The following ANKH variants were observed in gnomAD, a reference collection of about 807,000 sequenced individuals.
ANKH encodes the protein mineralization regulator ANKH.
In ANKH, 15 loss-of-function variants were observed where a neutral mutation model predicts 49.0. That is an observed-to-expected ratio of 0.31 (90% CI 0.20 to 0.47). The LOEUF is 0.47. Among genes scored for constraint, ANKH ranks in the 20% least tolerant of loss-of-function variants. The pLI is 1.00. For synonymous variants in ANKH, 273 were observed against 260.0 expected (o/e 1.05, Z -0.48); for missense variants, 429 against 652.0 (o/e 0.66, Z 3.72).
chr5:14,867,708 C>T (rs1267834452), intron 1 of ANKH, among the ~76,000 whole-genome samples: 5 of 152,114 alleles, frequency 3.3e-5, no homozygotes, highest in South Asian at 2.1e-4. Flanking sequence ...TACAGGCACC[C>T]GCCACCGCGC....
rs1011567254 is a variant in ANKH at position 14,707,710 on chromosome 5, T to C, written c.*3487A>G. ...ACTCAGAGAGTGAAGTATAAAGTGC[T>C]TTTACTATTGTAAAGAAGCTTTATT... On this transcript the variant is annotated 3_prime_UTR_variant, in exon 12 of 12. Coordinates refer to ENST00000284268, the MANE Select transcript of ANKH (RefSeq NM_054027.6). 2 of 152,298 alleles carry C rather than the reference T, an allele frequency of 1.3e-5. No homozygotes were observed. The highest frequency in any genetic ancestry group is 4.8e-5 in the African/African-American group (2 of 41,572). 9.4% of individuals were successfully genotyped at this position (152,298 alleles called of 1,614,324 possible).
chr5:14,792,993 T>TATATATATATAAAAAA, intron 1 of ANKH, among the ~76,000 whole-genome samples: 1 of 90,580 alleles, frequency 1.1e-5, no homozygotes, highest in South Asian at 3.4e-4. Flanking sequence ...TATATAAAAA[T>TATATATATATAAAAAA]ATATATATAT....
At chr5:14,714,199 A>AAT (rs1737354939) in intron 9 of ANKH, among the ~76,000 whole-genome samples, 1 of 152,270 alleles carries the variant, frequency 6.6e-6, no homozygotes, top group African/African-American at 2.4e-5. Flanking sequence ...ACTTCCACCG[A>AAT]GGTCACTTCC....
chr5:14,723,809 G>A (rs1388536479), intron 8 of ANKH, among the ~76,000 whole-genome samples: 1 of 152,208 alleles, frequency 6.6e-6, no homozygotes, highest in Non-Finnish European at 1.5e-5. Flanking sequence ...CTAGTAGAGT[G>A]TAGTCCCCTC....
chr5:14,720,987 C>T lies in ANKH; in HGVS notation c.1012-4152G>A, dbSNP rs758467251. ...GGGATCCACAATCGGGTCATGTTCACCCAGAGGCGTTTTCCCATCTTGTAG... is the reference window on the plus strand; with the variant it reads ...GGGATCCACAATCGGGTCATGTTCATCCAGAGGCGTTTTCCCATCTTGTAG... On this transcript the variant is annotated intron_variant, in intron 8 of 11. Transcript: ENST00000284268. Among the ~76,000 whole-genome samples the T allele has an allele frequency of 4.1e-4, 63 of 152,328 alleles. No individual in the cohort carries two copies. The Middle Eastern group carries it at 0.01, about 25-fold the overall frequency.
intron 1 of ANKH, among the ~76,000 whole-genome samples, chr5:14,809,713 C>A (rs895073049): frequency 6.6e-6 from 1 of 152,206 alleles, no homozygotes; most frequent in Non-Finnish European, 1.5e-5. Context: ...TCAATTCTCA[C>A]CTTTCTGCAT....
At chr5:14,808,657 T>G (rs1014252395) in intron 1 of ANKH, among the ~76,000 whole-genome samples, 1 of 151,510 alleles carries the variant, frequency 6.6e-6, no homozygotes, top group Non-Finnish European at 1.5e-5. Flanking sequence ...CCAGTTAGAA[T>G]GGCAATCATT....
rs1737298889 is a variant in ANKH at position 14,713,081 on chromosome 5, A to G, written c.1266-108T>C. 8.2e-6 allele frequency: 9 copies of G among 1,092,602 alleles called. No homozygotes were observed. Among genetic ancestry groups the G allele is most frequent in the Non-Finnish European group, 1.2e-5 (9 of 738,640 alleles). 67.7% of individuals were successfully genotyped at this position (1,092,602 alleles called of 1,614,324 possible). On this transcript the variant is annotated intron_variant, in intron 10 of 11. Coordinates refer to ENST00000284268, the MANE Select transcript of ANKH (RefSeq NM_054027.6). This position sits in a 1 kb window ranked among gnomAD's most constrained non-coding sequence, Gnocchi z 4.4. ...GTGTAGCCTCGAGACGGCTGAGACC[A>G]GCGGCGTTCTCCATCTGCTGGCTTC...
chr5:14,711,761 C>T (rs56382031), intron 11 of ANKH, among the ~76,000 whole-genome samples: 6,946 of 152,344 alleles, frequency 0.046, 263 homozygotes, highest in Non-Finnish European at 0.068. Flanking sequence ...CCGTCATTCT[C>T]TCCCACTTAC....
chr5:14,814,117 T>C (rs1427680775), intron 1 of ANKH, among the ~76,000 whole-genome samples: 1 of 152,254 alleles, frequency 6.6e-6, no homozygotes, highest in Non-Finnish European at 1.5e-5. Context: ...CCAGAATCAA[T>C]GATCCCTTTC....
intron 8 of ANKH, among the ~76,000 whole-genome samples, chr5:14,727,551 A>G (rs1737860634): frequency 6.6e-6 from 1 of 151,938 alleles, no homozygotes; most frequent in Non-Finnish European, 1.5e-5. Context: ...CCAAGCCCGC[A>G]GAGGGTTGTC....
intron 8 of ANKH, among the ~76,000 whole-genome samples, chr5:14,729,673 A>C (rs528383634): frequency 6.6e-6 from 1 of 152,106 alleles, no homozygotes; most frequent in South Asian, 2.1e-4. Context: ...GGGCACTGTA[A>C]ATACTGAAAC....
At chr5:14,736,510 G>T (rs1431502768) in intron 8 of ANKH, among the ~76,000 whole-genome samples, 2 of 152,118 alleles carry the variant, frequency 1.3e-5, no homozygotes, top group Admixed American at 6.5e-5. Flanking sequence ...GGGTCCCAAG[G>T]GCTGGGAGGG....
At chr5:14,753,662 C>T (rs890007782) in intron 4 of ANKH, among the ~76,000 whole-genome samples, 6 of 152,144 alleles carry the variant, frequency 3.9e-5, no homozygotes, top group Non-Finnish European at 8.8e-5. Context: ...TATGTTTCCA[C>T]GAATCCCTTG....
intron 6 of ANKH, among the ~76,000 whole-genome samples, 156 bp from the exon 7 acceptor site, chr5:14,746,118 G>C (rs1738529255): frequency 6.6e-6 from 1 of 152,118 alleles, no homozygotes; most frequent in Non-Finnish European, 1.5e-5. Flanking sequence ...GGACGGCCCA[G>C]GACGGGGGGA....
chr5:14,714,410 G>C (rs544213170), intron 9 of ANKH, among the ~76,000 whole-genome samples: 41 of 152,250 alleles, frequency 2.7e-4, no homozygotes, highest in Non-Finnish European at 5.9e-4. Context: ...TCTGAAACTG[G>C]AAAGGCTTGA....
At chr5:14,792,648 A>T (rs1740205449) in intron 1 of ANKH, among the ~76,000 whole-genome samples, 1 of 151,998 alleles carries the variant, frequency 6.6e-6, no homozygotes, top group Non-Finnish European at 1.5e-5. Flanking sequence ...ACTACCCAGA[A>T]CTGACTACTC....
At chr5:14,869,412 C>T (rs890032997) in intron 1 of ANKH, 9 of 152,224 alleles carry the variant, frequency 5.9e-5, no homozygotes, top group Non-Finnish European at 1.3e-4. Context: ...AAAATATCTC[C>T]GCCCTCCAGG....
At chr5:14,833,402 T>C (rs1272762798) in intron 1 of ANKH, among the ~76,000 whole-genome samples, 1 of 152,172 alleles carries the variant, frequency 6.6e-6, no homozygotes, top group Admixed American at 6.5e-5. Flanking sequence ...GAATGGGTAA[T>C]AGACTAGTAA....
Sources: gnomAD v4.1 joint callset for allele counts (sites outside exome capture counted in the v4.1 genomes callset) on GRCh38, gnomAD v4.1.1 for gene constraint, Gnocchi (gnomAD v3.1) non-coding constraint, MANE v1.5 for transcripts, NCBI Gene and HGNC (gene_info 2026-07-23, HGNC 2026-07-21) for gene names.